SVIL: variants seen among roughly 807,000 people sequenced by gnomAD.
SVIL encodes the protein supervillin, also known as archvillin.
SVIL carries 101 observed loss-of-function variants against 240.4 expected under a neutral mutation model. The observed-to-expected ratio is 0.42, with a 90% CI of 0.36 to 0.50. SVIL has a LOEUF of 0.50. SVIL is among the 20% of genes least tolerant of loss of function. The pLI, the probability that SVIL is intolerant of heterozygous loss-of-function variation, is 0.01. For synonymous variants in SVIL, 999 were observed against 1,100.0 expected, an observed-to-expected ratio of 0.91 and a Z score of 1.82; for missense variants, 2,512 against 2,818.7, an observed-to-expected ratio of 0.89 and a Z score of 2.46.
At chr10:29,712,685 TC>T (rs1384763246) in intron 1 of SVIL, among the ~76,000 whole-genome samples, 1 of 152,120 alleles carries the variant, frequency 6.6e-6, no homozygotes, top group Non-Finnish European at 1.5e-5. Flanking sequence ...GGAAAATATT[TC>T]CAGATAGAGA....
At chr10:29,486,707 C>A (rs1298820352) in intron 24 of SVIL, 150 bp from the exon 25 acceptor site, 4 of 807,724 alleles carry the variant, frequency 5.0e-6, no homozygotes, top group East Asian at 2.7e-5. Flanking sequence ...TGGGTATTTT[C>A]AATGACCTCA....
At chr10:29,559,502 T>C (rs1000989110) in intron 3 of SVIL, among the ~76,000 whole-genome samples, 18 of 152,222 alleles carry the variant, frequency 1.2e-4, no homozygotes, top group African/African-American at 4.3e-4. Flanking sequence ...TACAATTCAA[T>C]TGATTATATG....
intron 3 of SVIL, among the ~76,000 whole-genome samples, chr10:29,646,399 C>T (rs1958659859): frequency 6.6e-6 from 1 of 152,124 alleles, no homozygotes. Flanking sequence ...CTGGGCTTGG[C>T]ATCACTTTCA....
At chr10:29,651,728 C>T (rs1400543843) in intron 3 of SVIL, among the ~76,000 whole-genome samples, 1 of 151,970 alleles carries the variant, frequency 6.6e-6, no homozygotes, top group African/African-American at 2.4e-5. Flanking sequence ...GTTCTAGACA[C>T]ACGTTCAACT....
chr10:29,667,919 C>T (rs1238747772), intron 2 of SVIL, among the ~76,000 whole-genome samples: 1 of 151,606 alleles, frequency 6.6e-6, no homozygotes, highest in Non-Finnish European at 1.5e-5. Flanking sequence ...GAGTTATATA[C>T]CAATAAATCT....
At chr10:29,608,106 G>A (rs962293543) in intron 1 of SVIL, among the ~76,000 whole-genome samples, 7 of 152,138 alleles carry the variant, frequency 4.6e-5, no homozygotes, top group African/African-American at 1.4e-4. Flanking sequence ...TTGAGTATGG[G>A]ACTCTCTACT....
chr10:29,687,995 A>G (rs147843326), intron 1 of SVIL, among the ~76,000 whole-genome samples: 1 of 152,162 alleles, frequency 6.6e-6, no homozygotes, highest in African/African-American at 2.4e-5. Flanking sequence ...AGAAACAAGC[A>G]TTGCAAATAG....
At chr10:29,560,195 A>G (rs1462367215) in intron 3 of SVIL, among the ~76,000 whole-genome samples, 1 of 152,202 alleles carries the variant, frequency 6.6e-6, no homozygotes, top group Non-Finnish European at 1.5e-5. Context: ...TAATATAAAG[A>G]CAAGCAGCTC....
intron 1 of SVIL, among the ~76,000 whole-genome samples, chr10:29,711,532 G>A (rs4749483): frequency 0.24 from 36,761 of 151,492 alleles, 4,569 homozygotes; most frequent in East Asian, 0.34. Flanking sequence ...AGGCCAAGGT[G>A]GGCAGATCAC....
chr10:29,508,105 C>T (rs895836030), intron 17 of SVIL: 5 of 289,948 alleles, frequency 1.7e-5, no homozygotes, highest in African/African-American at 1.1e-4. Context: ...CTTTCATTGA[C>T]AGTTTTAACA....
At chr10:29,588,311 C>T (rs530484011) in intron 1 of SVIL, among the ~76,000 whole-genome samples, 2 of 149,714 alleles carry the variant, frequency 1.3e-5, no homozygotes, top group South Asian at 2.1e-4. Flanking sequence ...ACCGCTGAAA[C>T]GTGTGCTGGT....
upstream of SVIL, chr10:29,736,576 T>C (rs75888266): frequency 4.6e-3 from 693 of 152,216 alleles, 16 homozygotes; most frequent in East Asian, 0.063. Context: ...TGAGCGAAAC[T>C]CTGGAGGGGA....
At chr10:29,510,050 G>A (rs1321587565) in intron 17 of SVIL, among the ~76,000 whole-genome samples, 2 of 152,120 alleles carry the variant, frequency 1.3e-5, no homozygotes, top group Non-Finnish European at 1.5e-5. Context: ...TCACAGTCGT[G>A]CGCTACCACA....
At chr10:29,597,135 C>T (rs1956624044) in intron 1 of SVIL, among the ~76,000 whole-genome samples, 1 of 152,196 alleles carries the variant, frequency 6.6e-6, no homozygotes, top group African/African-American at 2.4e-5. Flanking sequence ...TAACTGAATG[C>T]AGACCCCAGG....
At chr10:29,678,046 A>G (rs17222469) in intron 2 of SVIL, among the ~76,000 whole-genome samples, 16,391 of 152,086 alleles carry the variant, frequency 0.11, 1,067 homozygotes, top group Admixed American at 0.2. Context: ...CCTTATCTGA[A>G]AGACAAAGGC....
At chr10:29,732,106 C>T (rs990298152) in intron 1 of SVIL, among the ~76,000 whole-genome samples, 1 of 152,210 alleles carries the variant, frequency 6.6e-6, no homozygotes, top group African/African-American at 2.4e-5. Flanking sequence ...TCTTTACACG[C>T]CTCCAATTGG....
intron 1 of SVIL, among the ~76,000 whole-genome samples, chr10:29,709,469 C>T (rs1052380152): frequency 6.6e-5 from 10 of 152,246 alleles, no homozygotes; most frequent in African/African-American, 2.4e-4. Flanking sequence ...TGCAGATACC[C>T]TTCTTTGCCT....
chr10:29,633,435 C>T (rs560521874), intron 1 of SVIL, among the ~76,000 whole-genome samples: 1 of 152,040 alleles, frequency 6.6e-6, no homozygotes, highest in Non-Finnish European at 1.5e-5. Flanking sequence ...GTAAATTGGG[C>T]ATTTACAATT....
chr10:29,575,673 TG>T (rs146327320), intron 1 of SVIL, among the ~76,000 whole-genome samples: 3,562 of 152,256 alleles, frequency 0.023, 141 homozygotes, highest in African/African-American at 0.082. Context: ...CGGCTACCTT[TG>T]CCGGCTGAAA....
Sources: gnomAD v4.1 joint callset for allele counts (sites outside exome capture counted in the v4.1 genomes callset) on GRCh38, gnomAD v4.1.1 for gene constraint, MANE v1.5 for transcripts, NCBI Gene and HGNC (gene_info 2026-07-23, HGNC 2026-07-21) for gene names.